The following EIPR1 variants were observed in gnomAD, a reference collection of about 807,000 sequenced individuals.
The protein encoded by EIPR1 is EARP complex and GARP complex interacting protein 1.
Under a neutral mutation model 48.1 loss-of-function variants are expected in EIPR1, and 25 were observed. The ratio of observed to expected loss-of-function variants is 0.52; its 90% CI spans 0.38 to 0.73. The LOEUF (loss-of-function observed/expected upper bound fraction) is 0.73, where lower values mean the gene tolerates loss of function less well. Ranked by LOEUF, EIPR1 falls within the 30% of genes least tolerant of loss-of-function variation. The pLI is 0.00. For missense variants in EIPR1, 415 were observed against 506.2 expected (o/e 0.82, Z 1.73); for synonymous variants, 204 against 201.9 (o/e 1.01, Z -0.09).
In EIPR1 at chr2:3,225,226, G is replaced by A. The variant is rs925019715; in HGVS notation, c.417-10978C>T. Reference sequence around the variant, plus strand: ...ATTTAGGTAGTACACTGTGATATGTGTGTGTGTGTGTGTGTGTGTGTGTGT... The same window carrying A: ...ATTTAGGTAGTACACTGTGATATGTATGTGTGTGTGTGTGTGTGTGTGTGT... On this transcript the variant is annotated intron_variant, in intron 4 of 8. Transcript: ENST00000382125. Among the ~76,000 whole-genome samples the A allele has an allele frequency of 2.5e-3, 324 of 129,502 alleles. 2 individuals carry two copies. Among genetic ancestry groups the A allele is most frequent in the African/African-American group, 8.3e-3 (285 of 34,226 alleles). 85.0% of individuals were successfully genotyped at this position (129,502 alleles called of 152,430 possible).
At chr2:3,296,491 C>CCA (rs1668602795) in intron 3 of EIPR1, among the ~76,000 whole-genome samples, 1 of 128,948 alleles carries the variant, frequency 7.8e-6, no homozygotes, top group Non-Finnish European at 1.6e-5. Flanking sequence ...CCCATCCTCT[C>CCA]CACACACACC....
intron 5 of EIPR1, among the ~76,000 whole-genome samples, chr2:3,203,511 G>A (rs372216072): frequency 3.9e-5 from 6 of 152,234 alleles, no homozygotes; most frequent in Admixed American, 6.5e-5. Context: ...GCACTGAGTC[G>A]GACAGGAGAG....
At chr2:3,368,259 C>G (rs1281759050) in intron 1 of EIPR1, among the ~76,000 whole-genome samples, 1 of 152,160 alleles carries the variant, frequency 6.6e-6, no homozygotes, top group African/African-American at 2.4e-5. Flanking sequence ...AAAGGAGGCA[C>G]GCATATCCTT....
In EIPR1 at chr2:3,331,208, G is replaced by A. The variant is rs1221914793; in HGVS notation, c.259+6809C>T. ...ACTCATATGGTGTGAGCAGAGGCAG[G>A]TGTGTATACACTCATGAGATGTGTC... On this transcript the variant is annotated intron_variant, in intron 3 of 8. Transcript: ENST00000382125. 3.3e-5 allele frequency among the ~76,000 whole-genome samples: 4 copies of A among 121,370 alleles called. 1 individual carries two copies. Among genetic ancestry groups the A allele is most frequent in the African/African-American group, 1.4e-4 (4 of 28,630 alleles). 79.6% of individuals were successfully genotyped at this position (121,370 alleles called of 152,430 possible). A position where few individuals can be genotyped will look rare whatever the true frequency, so the allele number is the denominator to read the frequency against.
intron 4 of EIPR1, among the ~76,000 whole-genome samples, chr2:3,220,339 C>A (rs986418079): frequency 1.3e-5 from 2 of 151,808 alleles, no homozygotes; most frequent in African/African-American, 4.8e-5. Flanking sequence ...CACACGCACA[C>A]AATGGCCATG....
At chr2:3,199,833 G>C (rs1339335738) in intron 5 of EIPR1, among the ~76,000 whole-genome samples, 1 of 147,038 alleles carries the variant, frequency 6.8e-6, no homozygotes, top group Non-Finnish European at 1.5e-5. Flanking sequence ...GGGCAGAGGT[G>C]ACGGGGTGTG....
chr2:3,288,459 G>A (rs924924930), intron 3 of EIPR1, among the ~76,000 whole-genome samples: 3 of 152,164 alleles, frequency 2.0e-5, no homozygotes, highest in Non-Finnish European at 2.9e-5. Flanking sequence ...TGGGGTGTCC[G>A]GAAAGTTCTT....
chr2:3,369,154 C>A (rs953148156), intron 1 of EIPR1, among the ~76,000 whole-genome samples: 48 of 152,318 alleles, frequency 3.2e-4, no homozygotes, highest in African/African-American at 1.1e-3. Context: ...TCAGCTACTT[C>A]TTTTAAGATA....
chr2:3,189,315 G>C lies in EIPR1; in HGVS notation c.*19C>G. ...GAGGAAAACCACTCAATGGGACCTG[G>C]ATAACCCAGGCCCGGGAGTCATAGC... On this transcript the variant is annotated 3_prime_UTR_variant, in exon 9 of 9. Transcript: ENST00000382125. The surrounding 1 kb of genome is among the most constrained non-coding windows in gnomAD (Gnocchi z 4.6). 6.4e-7 allele frequency: 1 copy of C among 1,557,258 alleles called. No homozygotes were observed. Among genetic ancestry groups the C allele is most frequent in the Non-Finnish European group, 8.8e-7 (1 of 1,142,054 alleles).
chr2:3,246,852 G>A (rs1572350772), intron 4 of EIPR1, among the ~76,000 whole-genome samples: 2 of 70,430 alleles, frequency 2.8e-5, no homozygotes, highest in Admixed American at 1.3e-4. Context: ...AGGGAGGGAA[G>A]GAGGAAGGGA....
intron 5 of EIPR1, among the ~76,000 whole-genome samples, chr2:3,202,981 G>A (rs1356187394): frequency 6.6e-6 from 1 of 152,232 alleles, no homozygotes; most frequent in Non-Finnish European, 1.5e-5. Context: ...CTCACACTCG[G>A]TGTCTGGCTG....
At chr2:3,369,786 T>C (rs1022063955) in intron 1 of EIPR1, among the ~76,000 whole-genome samples, 2 of 152,310 alleles carry the variant, frequency 1.3e-5, no homozygotes, top group South Asian at 2.1e-4. Flanking sequence ...CCTGCCTCTG[T>C]AGGCTCCACC....
chr2:3,328,375 G>T (rs1369191658), intron 3 of EIPR1, among the ~76,000 whole-genome samples: 1 of 151,952 alleles, frequency 6.6e-6, no homozygotes, highest in Non-Finnish European at 1.5e-5. Context: ...ACACTCTAAT[G>T]ATCTCAGGGT....
intron 1 of EIPR1, among the ~76,000 whole-genome samples, chr2:3,355,463 A>G (rs749281892): frequency 2.8e-4 from 42 of 152,216 alleles, no homozygotes; most frequent in Admixed American, 1.8e-3. Flanking sequence ...GGAAGATAAC[A>G]TCCCAAGTCT....
At chr2:3,371,348 G>A (rs879825659) in intron 1 of EIPR1, among the ~76,000 whole-genome samples, 9 of 152,132 alleles carry the variant, frequency 5.9e-5, no homozygotes, top group Non-Finnish European at 8.8e-5. Context: ...AAAATAACCA[G>A]CTAACAGCAT....
chr2:3,294,610 C>G (rs1168391367), intron 3 of EIPR1, among the ~76,000 whole-genome samples: 1 of 144,634 alleles, frequency 6.9e-6, no homozygotes, highest in Non-Finnish European at 1.5e-5. Context: ...CCAGGCCATC[C>G]TCTCTCCACA....
At chr2:3,247,040 A>AGAGC (rs1305713764) in intron 4 of EIPR1, among the ~76,000 whole-genome samples, 35 of 4,702 alleles carry the variant, frequency 7.4e-3, no homozygotes, top group Non-Finnish European at 9.7e-3. Flanking sequence ...AGGGAGGGAG[A>AGAGC]GAGGGAGGGA....
intron 3 of EIPR1, chr2:3,300,819 G>A (rs1415529548): frequency 1.3e-5 from 2 of 152,216 alleles, no homozygotes; most frequent in Non-Finnish European, 2.9e-5. Context: ...GAGTATATAT[G>A]TCATGGGTTA....
intron 3 of EIPR1, among the ~76,000 whole-genome samples, chr2:3,303,670 A>G (rs1446354655): frequency 6.6e-6 from 1 of 152,220 alleles, no homozygotes; most frequent in East Asian, 1.9e-4. Flanking sequence ...AAAGATAAGG[A>G]GCAGCCACAA....
Sources: allele counts gnomAD v4.1 joint callset (sites outside exome capture counted in the v4.1 genomes callset), GRCh38; gene constraint gnomAD v4.1.1; non-coding constraint Gnocchi (gnomAD v3.1); transcripts MANE v1.5; gene names NCBI Gene and HGNC (gene_info 2026-07-23, HGNC 2026-07-21).